Variants in TEK observed in about 807,000 individuals in gnomAD.
The protein encoded by TEK is angiopoietin-1 receptor.
Under a neutral mutation model 131.8 loss-of-function variants are expected in TEK, and 43 were observed. The observed-to-expected ratio is 0.33, with a 90% CI of 0.26 to 0.42. The LOEUF is 0.42. Among genes scored for constraint, TEK ranks in the 10% least tolerant of loss-of-function variants. The probability of loss-of-function intolerance (pLI) is 1.00; values close to 1 mark genes in which losing one functional copy is unlikely to be tolerated. For missense variants in TEK, 1,162 were observed against 1,384.4 expected (o/e 0.84, Z 2.55); for synonymous variants, 580 against 491.6 (o/e 1.18, Z -2.38).
At chr9:27,127,227 T>G (rs1822020972) in intron 1 of TEK, among the ~76,000 whole-genome samples, 2 of 152,210 alleles carry the variant, frequency 1.3e-5, no homozygotes, top group Admixed American at 6.5e-5. Context: ...GAACATGCAG[T>G]GTTTGGTTTT....
chr9:27,178,007 C>T (rs898554321), intron 6 of TEK, among the ~76,000 whole-genome samples: 26 of 151,990 alleles, frequency 1.7e-4, no homozygotes, highest in Non-Finnish European at 1.5e-5. Flanking sequence ...GTTGTCTGTG[C>T]TTTTGAGGTC....
At chr9:27,144,390 C>T (rs568711080) in intron 1 of TEK, among the ~76,000 whole-genome samples, 21 of 152,314 alleles carry the variant, frequency 1.4e-4, no homozygotes, top group African/African-American at 2.2e-4. Flanking sequence ...TTACTGCCAT[C>T]GGAATGAATA....
intron 12 of TEK, among the ~76,000 whole-genome samples, chr9:27,199,798 G>A (rs7028527): frequency 0.25 from 37,878 of 152,016 alleles, 4,893 homozygotes; most frequent in Admixed American, 0.33. Flanking sequence ...TTGCAAATAT[G>A]TTCTCCTAAT....
In TEK at chr9:27,183,446, T is replaced by A. The variant is rs763822452; in HGVS notation, c.1031-13T>A. The A allele has an allele frequency of 6.2e-7, 1 of 1,613,556 alleles. No homozygotes were observed. Among genetic ancestry groups the A allele is most frequent in the East Asian group, 2.2e-5 (1 of 44,878 alleles). ...TAAATATTAGATTTCACAGTGCTGTTTTCTTCCTTCAGGCATACAGAGGAT... is the reference window on the plus strand; with the variant it reads ...TAAATATTAGATTTCACAGTGCTGTATTCTTCCTTCAGGCATACAGAGGAT... On this transcript the variant is annotated splice_polypyrimidine_tract_variant and intron_variant, in intron 7 of 22. Coordinates refer to ENST00000380036, the MANE Select transcript of TEK (RefSeq NM_000459.5).
chr9:27,213,718 A>G (rs1345620313), intron 18 of TEK, 121 bp downstream of exon 18: 1 of 758,372 alleles, frequency 1.3e-6, no homozygotes, highest in African/African-American at 1.7e-5. Flanking sequence ...ATGTCCCAGT[A>G]GATACTGTGT....
Position 27,154,786 on chromosome 9 carries a change from C to T in TEK, c.53-3045C>T, listed in dbSNP as rs146770633. On this transcript the variant is annotated intron_variant, in intron 1 of 22. Transcript: ENST00000380036. ...GCTGGTGGAAGAGGTCTTCCTTAAC[C>T]GGCATGCTGAACAAGGGTAGCGAAG... Among the ~76,000 whole-genome samples, 558 of 152,220 alleles carry T rather than the reference C, an allele frequency of 3.7e-3. 1 individual carries two copies. The highest frequency in any genetic ancestry group is 0.013 in the African/African-American group (536 of 41,524).
At position 27,202,937 on chromosome 9, in the gene TEK, T is replaced by C. The variant is rs1825272245; in HGVS notation, c.2027T>C (p.Val676Ala). The C allele has an allele frequency of 1.9e-6, 3 of 1,613,980 alleles. No homozygotes were observed. The African/African-American group carries it at 4.0e-5, about 22-fold the overall frequency. The change falls in exon 13 of 23, where the codon GTT becomes GCT. Residue 676 changes from valine (V) to alanine (A), a missense_variant. Val to Ala is a moderately conservative substitution (Grantham distance 64, BLOSUM62 0). Transcript: ENST00000380036. ...TCTTCTATTACTATCCGTTACAAGG[T>C]TCAAGGCAAGAATGAAGACCAGCAC... ...SISSITIRYK[V>A]QGKNEDQHVD...
At chr9:27,163,912 T>C (rs1181254010) in intron 2 of TEK, among the ~76,000 whole-genome samples, 1 of 152,242 alleles carries the variant, frequency 6.6e-6, no homozygotes, top group African/African-American at 2.4e-5. Context: ...TACTACCACC[T>C]ACTTTCTTCT....
intron 1 of TEK, among the ~76,000 whole-genome samples, chr9:27,124,876 A>C (rs1458886526): frequency 6.6e-6 from 1 of 152,186 alleles, no homozygotes; most frequent in Non-Finnish European, 1.5e-5. Flanking sequence ...GGTCTATCCC[A>C]CCAGAGTGGC....
chr9:27,213,735 G>C, intron 18 of TEK, 138 bp downstream of exon 18: 1 of 700,578 alleles, frequency 1.4e-6, no homozygotes, highest in Non-Finnish European at 2.6e-6. Flanking sequence ...GTGTGCCCTG[G>C]GAAACATTCT....
intron 11 of TEK, chr9:27,195,677 C>G (rs1364114062): frequency 4.4e-6 from 2 of 455,968 alleles, no homozygotes; most frequent in South Asian, 3.1e-5. Flanking sequence ...TGTCCAGTGA[C>G]ATAAGACATC....
intron 1 of TEK, among the ~76,000 whole-genome samples, chr9:27,115,973 G>C (rs920760233): frequency 1.3e-5 from 2 of 152,188 alleles, no homozygotes; most frequent in African/African-American, 4.8e-5. Flanking sequence ...TTTATGTCTT[G>C]AAAAATTCAC....
At chr9:27,173,780 T>C (rs1471895065) in intron 6 of TEK, among the ~76,000 whole-genome samples, 1 of 145,864 alleles carries the variant, frequency 6.9e-6, no homozygotes, top group East Asian at 2.1e-4. Flanking sequence ...AAATCACAGC[T>C]TTAGCCAGGC....
intron 2 of TEK, among the ~76,000 whole-genome samples, chr9:27,167,847 C>T (rs535060379): frequency 6.7e-6 from 1 of 149,844 alleles, no homozygotes; most frequent in East Asian, 1.9e-4. Context: ...TGGGGAAACT[C>T]AGATTTCATT....
intron 4 of TEK, among the ~76,000 whole-genome samples, chr9:27,170,415 A>C (rs1587546263): frequency 6.6e-6 from 1 of 152,228 alleles, no homozygotes; most frequent in East Asian, 1.9e-4. Flanking sequence ...CTTTGAGCTC[A>C]AGAGTTTGAG....
At chr9:27,224,862 T>C (rs1019723203) in intron 21 of TEK, among the ~76,000 whole-genome samples, 3 of 152,128 alleles carry the variant, frequency 2.0e-5, no homozygotes, top group Admixed American at 6.5e-5. Context: ...AAAACCCCAT[T>C]GTCTCAGCCC....
intron 15 of TEK, 128 bp downstream of exon 15, chr9:27,206,920 C>A: frequency 9.6e-7 from 1 of 1,038,428 alleles, no homozygotes; most frequent in Non-Finnish European, 1.4e-6. Flanking sequence ...TTATTTGCAA[C>A]TGAAGGTTAT....
At chr9:27,191,385 A>G (rs186019768) in intron 10 of TEK, among the ~76,000 whole-genome samples, 1 of 152,322 alleles carries the variant, frequency 6.6e-6, no homozygotes, top group East Asian at 1.9e-4. Flanking sequence ...TATTTGTTGT[A>G]TGATAATGTA....
At chr9:27,212,617 G>T in intron 16 of TEK, 90 bp from the exon 17 acceptor site, 2 of 1,411,864 alleles carry the variant, frequency 1.4e-6, no homozygotes, top group Non-Finnish European at 2.0e-6. Context: ...AGACAAAATG[G>T]AGTTTATAGG....
Sources: gnomAD v4.1 joint callset for allele counts (sites outside exome capture counted in the v4.1 genomes callset) on GRCh38, gnomAD v4.1.1 for gene constraint, MANE v1.5 for transcripts, NCBI Gene and HGNC (gene_info 2026-07-23, HGNC 2026-07-21) for gene names.